Variants in TG observed in about 807,000 individuals in gnomAD.
TG encodes thyroid hormones.
TG carries 270 observed loss-of-function variants against 324.7 expected under a neutral mutation model. The ratio of observed to expected loss-of-function variants is 0.83; its 90% CI spans 0.75 to 0.92. The LOEUF (loss-of-function observed/expected upper bound fraction) is 0.92, where lower values mean the gene tolerates loss of function less well. TG is among the 40% of genes least tolerant of loss of function. The pLI, the probability that TG is intolerant of heterozygous loss-of-function variation, is 0.00. For synonymous variants in TG, 1,401 were observed against 1,327.0 expected (o/e 1.06, Z -1.21); for missense variants, 3,591 against 3,456.4 (o/e 1.04, Z -0.98).
intron 21 of TG, among the ~76,000 whole-genome samples, chr8:132,922,803 A>G (rs1038641767): frequency 6.6e-6 from 1 of 152,162 alleles, no homozygotes; most frequent in Non-Finnish European, 1.5e-5. Flanking sequence ...AAAGGGTACA[A>G]ATCTCATTCA....
At chr8:132,983,525 TA>T (rs1411552630) in intron 35 of TG, 113 bp downstream of exon 35, 13 of 1,055,604 alleles carry the variant, frequency 1.2e-5, no homozygotes, top group Non-Finnish European at 1.8e-5. Flanking sequence ...TCACTCGCAT[TA>T]ATTCCAGCTC....
intron 40 of TG, among the ~76,000 whole-genome samples, chr8:133,025,463 G>A (rs1835985880): frequency 6.6e-6 from 1 of 152,198 alleles, no homozygotes; most frequent in Admixed American, 6.5e-5. Context: ...TGAGCAGAAA[G>A]GACAGAGAGT....
intron 35 of TG, among the ~76,000 whole-genome samples, chr8:132,984,414 T>C (rs1431999579): frequency 1.3e-5 from 2 of 152,238 alleles, no homozygotes; most frequent in Non-Finnish European, 2.9e-5. Flanking sequence ...AGAAACTGTG[T>C]ATGCTAAGCA....
chr8:132,931,627 C>T (rs1044994245), intron 23 of TG, among the ~76,000 whole-genome samples: 3 of 152,110 alleles, frequency 2.0e-5, no homozygotes, highest in Non-Finnish European at 4.4e-5. Flanking sequence ...CAGCACTTAA[C>T]CAGCCAGGGT....
intron 23 of TG, among the ~76,000 whole-genome samples, chr8:132,931,962 T>G (rs1483858920): frequency 6.6e-6 from 1 of 151,950 alleles, no homozygotes; most frequent in Non-Finnish European, 1.5e-5. Flanking sequence ...GGCGTGATGG[T>G]GCGTACCTGT....
intron 41 of TG, among the ~76,000 whole-genome samples, chr8:133,033,756 C>A (rs969961485): frequency 2.0e-5 from 3 of 152,212 alleles, no homozygotes; most frequent in African/African-American, 7.2e-5. Flanking sequence ...AGCCTCCAAG[C>A]CTTTCCTCAT....
At chr8:133,044,654 T>C (rs2687837) in intron 41 of TG, among the ~76,000 whole-genome samples, 107,548 of 151,922 alleles carry the variant, frequency 0.71, 38,409 homozygotes, top group African/African-American at 0.77. Context: ...TGGCACTCTA[T>C]AACAAAGCCC....
Position 132,871,550 on chromosome 8 carries a change from A to T in TG, c.477A>T (p.Arg159=), listed in dbSNP as rs1839480293. The T allele has an allele frequency of 6.2e-7, 1 of 1,613,248 alleles. No individual in the cohort carries two copies. The highest frequency in any genetic ancestry group is 1.1e-5 in the South Asian group (1 of 91,056). Residue 159 remains arginine, a splice_region_variant and synonymous_variant, in exon 4 of 48, where the codon CGA becomes CGT. Coordinates refer to ENST00000220616, the MANE Select transcript of TG (RefSeq NM_003235.5). ...CCCGCCAGCTGGGGAGGCCAAAGCG[A>T]TGTGAGTTTCACTGAGCGCCTGCAC... is the stretch of plus-strand genomic sequence containing the variant. ...YGTRQLGRPK[R]CPRSCEIRNR... is the part of the protein sequence containing the mutation.
intron 5 of TG, among the ~76,000 whole-genome samples, chr8:132,875,658 G>A (rs1378838168): frequency 1.3e-5 from 2 of 152,212 alleles, no homozygotes; most frequent in African/African-American, 4.8e-5. Flanking sequence ...TTCCACAAGA[G>A]GGCAGTCGAG....
intron 35 of TG, among the ~76,000 whole-genome samples, chr8:132,992,725 A>G (rs1346831984): frequency 6.6e-6 from 1 of 151,756 alleles, no homozygotes; most frequent in African/African-American, 2.4e-5. Context: ...AAAAGACCAC[A>G]CCTCTATAGG....
chr8:133,042,678 C>CCTT lies in TG; in HGVS notation c.7239+12655_7239+12656insCTT, dbSNP rs1554706932. On this transcript the variant is annotated intron_variant, in intron 41 of 47. Transcript: ENST00000220616. ...GTGCACAATTCCTCTCATTCTGTGT[C>CCTT]TTTTTTTTTTTTTTTTTTTTTTTTT... Among the ~76,000 whole-genome samples, 43 of 56,768 alleles carry CCTT rather than the reference C, an allele frequency of 7.6e-4. 1 individual carries two copies. The highest frequency in any genetic ancestry group is 1.8e-3 in the East Asian group (4 of 2,280). The allele number at this position is 56,768 out of a possible 152,430, so 37.2% of individuals were successfully genotyped here.
At chr8:133,107,416 G>A (rs1849894599) in intron 43 of TG, among the ~76,000 whole-genome samples, 1 of 152,182 alleles carries the variant, frequency 6.6e-6, no homozygotes, top group Non-Finnish European at 1.5e-5. Context: ...AGCCCTTTGT[G>A]TAATTCCTGC....
At chr8:133,097,312 G>T (rs758107012) in intron 43 of TG, among the ~76,000 whole-genome samples, 17 of 152,134 alleles carry the variant, frequency 1.1e-4, no homozygotes, top group Non-Finnish European at 2.5e-4. Context: ...AGCAATAAAA[G>T]CTCCAGTTTT....
At chr8:132,908,504 T>C (rs1377662932) in intron 18 of TG, among the ~76,000 whole-genome samples, 164 bp downstream of exon 18, 2 of 151,950 alleles carry the variant, frequency 1.3e-5, no homozygotes, top group African/African-American at 4.8e-5. Context: ...TTGAGTTTTC[T>C]AGACAGCCAC....
At chr8:132,917,735 C>T (rs1166058648) in intron 20 of TG, among the ~76,000 whole-genome samples, 2 of 151,984 alleles carry the variant, frequency 1.3e-5, no homozygotes, top group African/African-American at 2.4e-5. Context: ...TGTCTTTCTT[C>T]AGCAGAAATG....
intron 26 of TG, among the ~76,000 whole-genome samples, chr8:132,946,037 TACACACAC>T (rs5895165): frequency 0.19 from 22,676 of 116,832 alleles, 2,381 homozygotes; most frequent in African/African-American, 0.32. Flanking sequence ...AAAAATATGT[TACACACAC>T]ACACACACAC....
chr8:133,001,440 G>C (rs118183366), intron 35 of TG, among the ~76,000 whole-genome samples: 6,008 of 152,282 alleles, frequency 0.039, 171 homozygotes, highest in Middle Eastern at 0.078. Flanking sequence ...TTCTCCTGGA[G>C]AAATGCTGAA....
At chr8:132,967,635 CATGGGCCTTCCAGACTGG>C (rs1368392831) in intron 30 of TG, among the ~76,000 whole-genome samples, 141 bp from the exon 31 acceptor site, 3 of 152,172 alleles carry the variant, frequency 2.0e-5, no homozygotes, top group African/African-American at 7.2e-5. Flanking sequence ...AGCGTTTTTG[CATGGGCCTTCCAGACTGG>C]ATGATCATGA....
At chr8:133,123,164 C>T (rs1301510521) in intron 45 of TG, among the ~76,000 whole-genome samples, 2 of 152,046 alleles carry the variant, frequency 1.3e-5, no homozygotes, top group African/African-American at 4.8e-5. Context: ...CTGCTGGAAT[C>T]TATTAGAACT....
Sources: allele counts gnomAD v4.1 joint callset (sites outside exome capture counted in the v4.1 genomes callset), GRCh38; gene constraint gnomAD v4.1.1; transcripts MANE v1.5; gene names NCBI Gene and HGNC (gene_info 2026-07-23, HGNC 2026-07-21).